Variants in WNT7A observed in about 807,000 individuals in gnomAD.
WNT7A encodes the protein Wnt family member 7A.
WNT7A carries 16 observed loss-of-function variants against 28.2 expected under a neutral mutation model. The ratio of observed to expected loss-of-function variants is 0.57; its 90% CI spans 0.38 to 0.86. WNT7A has a LOEUF of 0.86. Ranked by LOEUF, WNT7A falls within the 40% of genes least tolerant of loss-of-function variation. The pLI is 0.00. For synonymous variants in WNT7A, 190 were observed against 195.9 expected, an observed-to-expected ratio of 0.97 and a Z score of 0.25; for missense variants, 411 against 489.7, an observed-to-expected ratio of 0.84 and a Z score of 1.52.
intron 3 of WNT7A, among the ~76,000 whole-genome samples, chr3:13,838,516 C>T (rs1391511907): frequency 1.3e-5 from 2 of 152,190 alleles, no homozygotes; most frequent in Non-Finnish European, 2.9e-5. Context: ...GGTCCTTCAA[C>T]AAGAAAATCA....
chr3:13,864,663 C>T (rs769827588), intron 2 of WNT7A, among the ~76,000 whole-genome samples: 16 of 152,150 alleles, frequency 1.1e-4, no homozygotes, highest in Non-Finnish European at 2.1e-4. Context: ...GGGATGAGGA[C>T]GTGAATAAAT....
In WNT7A at chr3:13,818,351, C is replaced by CGAAAAAAAAAAAAAAAAAAAAAAAAAAAA. The variant is rs575789769; in HGVS notation, c.*592_*593insTTTTTTTTTTTTTTTTTTTTTTTTTTTTC. 2.5e-5 allele frequency: 2 copies of CGAAAAAAAAAAAAAAAAAAAAAAAAAAAA among 79,952 alleles called. No individual in the cohort carries two copies. Among genetic ancestry groups the CGAAAAAAAAAAAAAAAAAAAAAAAAAAAA allele is most frequent in the East Asian group, 5.0e-4 (1 of 2,020 alleles). 5.0% of individuals were successfully genotyped at this position (79,952 alleles called of 1,614,324 possible). On this transcript the variant is annotated 3_prime_UTR_variant, in exon 4 of 4. Transcript: ENST00000285018. ...TTTCTGGATAAGTAGCAGCAAACAG[C>CGAAAAAAAAAAAAAAAAAAAAAAAAAAAA]AAAAAAAAAAAAAAAAATGTGTGTG...
At chr3:13,830,162 G>A (rs1306570230) in intron 3 of WNT7A, among the ~76,000 whole-genome samples, 1 of 152,078 alleles carries the variant, frequency 6.6e-6, no homozygotes, top group Non-Finnish European at 1.5e-5. Context: ...CCCCCAAGCA[G>A]GAGGCTCGTT....
intron 3 of WNT7A, among the ~76,000 whole-genome samples, chr3:13,848,266 C>A (rs900299752): frequency 2.6e-5 from 4 of 151,920 alleles, no homozygotes; most frequent in African/African-American, 9.7e-5. Flanking sequence ...TGTGAGAGAC[C>A]CTATGAAGAT....
chr3:13,875,193 G>C lies in WNT7A; in HGVS notation c.72-20C>G. 6.2e-7 allele frequency: 1 copy of C among 1,613,386 alleles called. No homozygotes were observed. The stretch of plus-strand genomic sequence containing the variant: ...AAGCCACTGGAGGGAGAGACACAGA[G>C]AGATGGAGCATTAGGCCAGCAAGGG... On this transcript the variant is annotated intron_variant, in intron 1 of 3. Transcript: ENST00000285018.
At chr3:13,856,945 A>T (rs1224815939) in intron 2 of WNT7A, among the ~76,000 whole-genome samples, 6 of 114,434 alleles carry the variant, frequency 5.2e-5, no homozygotes, top group African/African-American at 2.6e-4. Context: ...GAAGAAGAAG[A>T]AGAAGAAGAA....
chr3:13,868,819 AG>A lies in WNT7A; in HGVS notation c.298+6127del, dbSNP rs2124874315. On this transcript the variant is annotated intron_variant, in intron 2 of 3. Transcript: ENST00000285018. Reference sequence around the variant, plus strand: ...GAGAGAGAGAGAAAGAAAGAGAGAGAGAGAGAAAGAGAGAAAGAGAGAGAGA... The same window carrying A: ...GAGAGAGAGAGAAAGAAAGAGAGAGAAGAGAAAGAGAGAAAGAGAGAGAGA... Among the ~76,000 whole-genome samples, 4 of 56,450 alleles carry A rather than the reference AG, an allele frequency of 7.1e-5. 1 individual carries two copies. The highest frequency in any genetic ancestry group is 4.1e-3 in the East Asian group (2 of 484). 37.0% of individuals were successfully genotyped at this position (56,450 alleles called of 152,430 possible). A position where few individuals can be genotyped will look rare whatever the true frequency, so the allele number is the denominator to read the frequency against.
intron 3 of WNT7A, among the ~76,000 whole-genome samples, chr3:13,842,356 T>C (rs1194484389): frequency 6.7e-6 from 1 of 150,284 alleles, no homozygotes; most frequent in Non-Finnish European, 1.5e-5. Flanking sequence ...AGGGAAGAGA[T>C]ACTGGTGGGT....
intron 3 of WNT7A, among the ~76,000 whole-genome samples, chr3:13,834,260 CAT>C (rs1694328787): frequency 6.6e-6 from 1 of 152,116 alleles, no homozygotes; most frequent in African/African-American, 2.4e-5. Context: ...GATACACAGT[CAT>C]GTGTGGGTGA....
intron 3 of WNT7A, among the ~76,000 whole-genome samples, chr3:13,834,734 A>G (rs1398348159): frequency 1.3e-5 from 2 of 151,750 alleles, no homozygotes; most frequent in African/African-American, 4.8e-5. Flanking sequence ...CACCTTCCCT[A>G]TGAGGCTCTC....
intron 1 of WNT7A, among the ~76,000 whole-genome samples, chr3:13,879,281 G>C (rs1391587571): frequency 1.3e-5 from 2 of 152,178 alleles, no homozygotes; most frequent in Non-Finnish European, 1.5e-5. Flanking sequence ...CAGCCACCTG[G>C]GGACTGCCCA....
chr3:13,832,279 C>T (rs1290358099), intron 3 of WNT7A, among the ~76,000 whole-genome samples: 1 of 150,828 alleles, frequency 6.6e-6, no homozygotes, highest in African/African-American at 2.4e-5. Context: ...TGCTCCTCCT[C>T]TTCCTCTGCA....
At chr3:13,831,891 G>C (rs1300995686) in intron 3 of WNT7A, among the ~76,000 whole-genome samples, 1 of 152,074 alleles carries the variant, frequency 6.6e-6, no homozygotes, top group Admixed American at 6.5e-5. Context: ...TCCCGCCCAG[G>C]ACCTGTCCTG....
Position 13,879,935 on chromosome 3 carries a change from C to T in WNT7A, c.-119G>A, listed in dbSNP as rs1038716474. On this transcript the variant is annotated 5_prime_UTR_variant, in exon 1 of 4. Coordinates refer to ENST00000285018, the MANE Select transcript of WNT7A (RefSeq NM_004625.4). ...CGAGCCGAGGCGTCCCCGGGGCCGTCTGTCGGTGCGCCCGTCCGCGCGCTC... is the reference window on the plus strand; with the variant it reads ...CGAGCCGAGGCGTCCCCGGGGCCGTTTGTCGGTGCGCCCGTCCGCGCGCTC... 2.7e-6 allele frequency: 2 copies of T among 745,928 alleles called. No individual in the cohort carries two copies. The highest frequency in any genetic ancestry group is 3.8e-6 in the Non-Finnish European group (2 of 529,878). 46.2% of individuals were successfully genotyped at this position (745,928 alleles called of 1,614,324 possible). A position where few individuals can be genotyped will look rare whatever the true frequency, so the allele number is the denominator to read the frequency against.
chr3:13,863,436 GTGTATA>G (rs370045866), intron 2 of WNT7A, among the ~76,000 whole-genome samples: 1,842 of 152,264 alleles, frequency 0.012, 39 homozygotes, highest in African/African-American at 0.041. Context: ...GTGTGTGTAT[GTGTATA>G]TGTGTGTGTG....
intron 1 of WNT7A, among the ~76,000 whole-genome samples, chr3:13,878,776 C>G (rs73151667): frequency 6.6e-6 from 1 of 152,158 alleles, no homozygotes; most frequent in East Asian, 1.9e-4. Flanking sequence ...ACCTACCAAG[C>G]GGGCCCTTCA....
intron 3 of WNT7A, among the ~76,000 whole-genome samples, chr3:13,847,053 A>T (rs1471602934): frequency 6.6e-6 from 1 of 152,092 alleles, no homozygotes; most frequent in African/African-American, 2.4e-5. Flanking sequence ...CTCCCCGGGT[A>T]CTGTCCACTG....
intron 2 of WNT7A, among the ~76,000 whole-genome samples, chr3:13,870,180 C>T (rs1695008947): frequency 6.6e-6 from 1 of 152,170 alleles, no homozygotes; most frequent in South Asian, 2.1e-4. Flanking sequence ...GTCAGTACCT[C>T]AGAGTGTGAC....
chr3:13,854,596 G>C lies in WNT7A; in HGVS notation c.506C>G (p.Ala169Gly). The change falls in exon 3 of 4, where the codon GCC becomes GGC. Residue 169 changes from alanine to glycine, a missense_variant. By Grantham distance (60) the Ala-to-Gly change is moderately conservative (BLOSUM62 0). Coordinates refer to ENST00000285018, the MANE Select transcript of WNT7A (RefSeq NM_004625.4). ...CCGGGCATTCTGCTTGATCTCCCGG[G>C]CATCCACAAAGACCTTGGCGAAGCC... ...GIGFAKVFVD[A>G]REIKQNARTL... The C allele has an allele frequency of 6.2e-7, 1 of 1,614,142 alleles. No individual in the cohort carries two copies. Among genetic ancestry groups the C allele is most frequent in the Non-Finnish European group, 8.5e-7 (1 of 1,180,034 alleles).
Sources: allele counts gnomAD v4.1 joint callset (sites outside exome capture counted in the v4.1 genomes callset), GRCh38; gene constraint gnomAD v4.1.1; transcripts MANE v1.5; gene names NCBI Gene and HGNC (gene_info 2026-07-23, HGNC 2026-07-21).